CATSPERT: variants seen among roughly 807,000 people sequenced by gnomAD.
The protein encoded by CATSPERT is cation channel sperm-associated targeting subunit tau.
the CATSPERT span, among the ~76,000 whole-genome samples, chr2:201,600,910 C>T: frequency 2.6e-5 from 4 of 152,064 alleles, no homozygotes; most frequent in Admixed American, 6.6e-5. Flanking sequence ...CACCACCATG[C>T]CTGGCTAATT....
the CATSPERT span, among the ~76,000 whole-genome samples, chr2:201,508,327 T>C: frequency 6.6e-6 from 1 of 152,230 alleles, no homozygotes; most frequent in African/African-American, 2.4e-5. Context: ...TTTAAAGTAC[T>C]AAATGCAGTT....
chr2:201,575,735 A>T, the CATSPERT span, among the ~76,000 whole-genome samples: 1 of 152,138 alleles, frequency 6.6e-6, no homozygotes, highest in Non-Finnish European at 1.5e-5. Context: ...GCTCCCACTG[A>T]TTCTACGTTC....
At chr2:201,614,688 G>T in the CATSPERT span, among the ~76,000 whole-genome samples, 1 of 152,126 alleles carries the variant, frequency 6.6e-6, no homozygotes, top group Non-Finnish European at 1.5e-5. Flanking sequence ...CATAATGACA[G>T]GATCAAATTC....
At chr2:201,513,375 T>C in the CATSPERT span, among the ~76,000 whole-genome samples, 1 of 152,142 alleles carries the variant, frequency 6.6e-6, no homozygotes, top group Non-Finnish European at 1.5e-5. Context: ...AAAGCCACAA[T>C]GAGACACCAT....
the CATSPERT span, among the ~76,000 whole-genome samples, chr2:201,499,184 A>G: frequency 6.6e-6 from 1 of 152,222 alleles, no homozygotes; most frequent in Non-Finnish European, 1.5e-5. Flanking sequence ...GTAAGTGAAG[A>G]ATCAATAAGA....
At chr2:201,545,019 T>A in the CATSPERT span, among the ~76,000 whole-genome samples, 1 of 128,988 alleles carries the variant, frequency 7.8e-6, no homozygotes, top group East Asian at 2.7e-4. Flanking sequence ...TAATAAAATT[T>A]AAAAATAAAG....
At chr2:201,573,461 T>A in the CATSPERT span, among the ~76,000 whole-genome samples, 1 of 152,198 alleles carries the variant, frequency 6.6e-6, no homozygotes, top group Non-Finnish European at 1.5e-5. Context: ...GATCTCACTA[T>A]ATTGCCCAGG....
chr2:201,596,668 T>C, the CATSPERT span, among the ~76,000 whole-genome samples: 2 of 152,218 alleles, frequency 1.3e-5, no homozygotes, highest in Admixed American at 1.3e-4. Context: ...CATTTTTCCA[T>C]TCTTTTTTTC....
At chr2:201,496,453 G>T in the CATSPERT span, among the ~76,000 whole-genome samples, 1 of 152,112 alleles carries the variant, frequency 6.6e-6, no homozygotes, top group Non-Finnish European at 1.5e-5. Context: ...AGAGATTCTT[G>T]TGCCTCAGCC....
chr2:201,493,059 T>C, the CATSPERT span: 4 of 1,536,360 alleles, frequency 2.6e-6, no homozygotes, highest in East Asian at 9.8e-5. Flanking sequence ...GTCTTTCTAA[T>C]TCTTTTTCTG....
the CATSPERT span, among the ~76,000 whole-genome samples, chr2:201,558,452 T>C: frequency 6.6e-6 from 1 of 152,182 alleles, no homozygotes; most frequent in Admixed American, 6.5e-5. Flanking sequence ...ACACCTGCGG[T>C]GACTGGAAGT....
At chr2:201,571,813 T>C in the CATSPERT span, 1 of 731,308 alleles carries the variant, frequency 1.4e-6, no homozygotes, top group East Asian at 2.8e-5. Context: ...CACCTCAGAG[T>C]CTACCCCATC....
At chr2:201,558,351 C>T in the CATSPERT span, 3 of 152,382 alleles carry the variant, frequency 2.0e-5, no homozygotes, top group Admixed American at 6.5e-5. Flanking sequence ...TTATCACTCC[C>T]ACAGGAAAGG....
At chr2:201,492,146 C>T in the CATSPERT span, 1 of 1,525,958 alleles carries the variant, frequency 6.6e-7, no homozygotes, top group Non-Finnish European at 8.7e-7. Context: ...TCCTCAGAAA[C>T]CGTTTGTAAA....
At chr2:201,515,216 T>TAG in the CATSPERT span, among the ~76,000 whole-genome samples, 13 of 39,202 alleles carry the variant, frequency 3.3e-4, 4 homozygotes, top group African/African-American at 2.1e-3. Flanking sequence ...TTTTTTTTTT[T>TAG]TTTTTTTTTT....
At chr2:201,513,381 A>G in the CATSPERT span, among the ~76,000 whole-genome samples, 1 of 152,200 alleles carries the variant, frequency 6.6e-6, no homozygotes, top group Non-Finnish European at 1.5e-5. Flanking sequence ...ACAATGAGAC[A>G]CCATCTTACA....
the CATSPERT span, among the ~76,000 whole-genome samples, chr2:201,586,713 C>A: frequency 6.6e-6 from 1 of 151,076 alleles, no homozygotes; most frequent in East Asian, 2.0e-4. Flanking sequence ...CATATTTATA[C>A]CTATATTCCA....
chr2:201,542,644 C>T, the CATSPERT span, among the ~76,000 whole-genome samples: 102,568 of 152,080 alleles, frequency 0.67, 36,043 homozygotes, highest in East Asian at 0.96. Context: ...CCATTGGACA[C>T]TTGTAATGTC....
chr2:201,604,960 G>A, the CATSPERT span, among the ~76,000 whole-genome samples: 155 of 152,142 alleles, frequency 1.0e-3, no homozygotes, highest in Admixed American at 4.8e-3. Context: ...TGAATATTTA[G>A]TAGGATATCT....
Sources: allele counts gnomAD v4.1 joint callset (sites outside exome capture counted in the v4.1 genomes callset), GRCh38; gene constraint gnomAD v4.1.1; transcripts MANE v1.5; gene names NCBI Gene and HGNC (gene_info 2026-07-23, HGNC 2026-07-21).